The following PHF20L1 variants were observed in gnomAD, a reference collection of about 807,000 sequenced individuals.
PHF20L1 encodes PHD finger protein 20-like protein 1.
PHF20L1 carries 44 observed loss-of-function variants against 125.5 expected under a neutral mutation model. The ratio of observed to expected loss-of-function variants is 0.35; its 90% confidence interval spans 0.28 to 0.45. The LOEUF (loss-of-function observed/expected upper bound fraction) is 0.45. Ranked by LOEUF, PHF20L1 falls within the 20% of genes least tolerant of loss-of-function variation. The probability of loss-of-function intolerance (pLI) is 1.00; values close to 1 mark genes in which losing one functional copy is unlikely to be tolerated. For synonymous variants in PHF20L1, 380 were observed against 403.1 expected (o/e 0.94, Z 0.69); for missense variants, 1,012 against 1,217.2 (o/e 0.83, Z 2.51).
At chr8:132,805,629 C>T (rs1247607176) in intron 8 of PHF20L1, among the ~76,000 whole-genome samples, 1 of 151,844 alleles carries the variant, frequency 6.6e-6, no homozygotes, top group Non-Finnish European at 1.5e-5. Flanking sequence ...TTGGCTTCAA[C>T]TTGAAGAAGC....
chr8:132,777,352 A>G (rs1237485530), intron 1 of PHF20L1, among the ~76,000 whole-genome samples: 1 of 152,138 alleles, frequency 6.6e-6, no homozygotes, highest in African/African-American at 2.4e-5. Context: ...CACTCAACAA[A>G]TATTTGTTGA....
chr8:132,775,881 G>C (rs912421631), intron 1 of PHF20L1, among the ~76,000 whole-genome samples: 1 of 152,092 alleles, frequency 6.6e-6, no homozygotes, highest in African/African-American at 2.4e-5. Context: ...TGCCAGCCCT[G>C]TCAGCCTTTC....
At chr8:132,840,750 C>T (rs1837850537) in intron 18 of PHF20L1, among the ~76,000 whole-genome samples, 1 of 152,072 alleles carries the variant, frequency 6.6e-6, no homozygotes, top group African/African-American at 2.4e-5. Context: ...ATTACCTGCC[C>T]AACTAGAGTT....
intron 4 of PHF20L1, 77 bp downstream of exon 4, chr8:132,794,894 G>A: frequency 1.2e-6 from 1 of 869,456 alleles, no homozygotes. Context: ...TTTAATTAGT[G>A]TGTGTTATGT....
intron 2 of PHF20L1, among the ~76,000 whole-genome samples, chr8:132,792,965 T>TTC (rs1491164289): frequency 9.7e-5 from 2 of 20,628 alleles, no homozygotes; most frequent in Non-Finnish European, 2.5e-4. Context: ...CCCTTTTTTC[T>TTC]TTTTTTTTTT....
At chr8:132,843,938 C>T (rs943139674) in intron 19 of PHF20L1, 9 of 984,726 alleles carry the variant, frequency 9.1e-6, no homozygotes, top group Admixed American at 6.2e-5. Context: ...TGTGTAGCAC[C>T]ATGCGAGGCA....
chr8:132,785,453 A>G (rs2131358234), intron 2 of PHF20L1, among the ~76,000 whole-genome samples: 1 of 152,272 alleles, frequency 6.6e-6, no homozygotes, highest in African/African-American at 2.4e-5. Context: ...GAGGGAGAAA[A>G]TACTAGTTTT....
chr8:132,777,990 A>T, intron 2 of PHF20L1, 79 bp downstream of exon 2: 1 of 862,268 alleles, frequency 1.2e-6, no homozygotes. Context: ...AGTAAATTCC[A>T]CTGATGGTAG....
intron 19 of PHF20L1, 79 bp downstream of exon 19, chr8:132,842,954 A>G (rs1838078887): frequency 6.8e-7 from 1 of 1,475,926 alleles, no homozygotes; most frequent in African/African-American, 1.4e-5. Context: ...AGGCATACTG[A>G]ATTCCCAGAT....
intron 8 of PHF20L1, among the ~76,000 whole-genome samples, chr8:132,805,802 T>C (rs891586258): frequency 2.0e-5 from 3 of 151,960 alleles, no homozygotes; most frequent in African/African-American, 7.2e-5. Context: ...TTTTAGCAGG[T>C]GAGAATATTC....
chr8:132,804,560 G>A, intron 7 of PHF20L1, 55 bp from the exon 8 acceptor site: 1 of 1,387,104 alleles, frequency 7.2e-7, no homozygotes, highest in Non-Finnish European at 1.0e-6. Flanking sequence ...AAAAAATCAT[G>A]TGTTTTAATT....
intron 14 of PHF20L1, chr8:132,826,788 A>T (rs1332794661): frequency 6.6e-6 from 1 of 151,998 alleles, no homozygotes. Context: ...ATACTCTCTT[A>T]AACTGTATGA....
intron 8 of PHF20L1, chr8:132,807,592 C>A (rs1833882089): frequency 2.6e-6 from 1 of 377,736 alleles, no homozygotes. Flanking sequence ...TTCTTAGTCC[C>A]AGCAAGAAGA....
chr8:132,821,003 GTT>G (rs1460177658), intron 12 of PHF20L1, among the ~76,000 whole-genome samples: 1 of 151,488 alleles, frequency 6.6e-6, no homozygotes, highest in African/African-American at 2.4e-5. Flanking sequence ...GCATTTTCCT[GTT>G]TTATTGCAGC....
At chr8:132,835,317 G>A (rs1458722682) in intron 15 of PHF20L1, among the ~76,000 whole-genome samples, 1 of 152,136 alleles carries the variant, frequency 6.6e-6, no homozygotes. Context: ...AGGATGTGAG[G>A]TAGGAAGGTG....
At chr8:132,799,973 C>T (rs148079070) in intron 6 of PHF20L1, 1 of 150,590 alleles carries the variant, frequency 6.6e-6, no homozygotes, top group African/African-American at 2.4e-5. Flanking sequence ...GGTGTGATTT[C>T]TTGGTTACTA....
chr8:132,822,871 T>C (rs1428873148), intron 12 of PHF20L1, among the ~76,000 whole-genome samples: 1 of 151,618 alleles, frequency 6.6e-6, no homozygotes, highest in East Asian at 1.9e-4. Context: ...TGTTGTAGAA[T>C]GATCTTAAAA....
At chr8:132,782,662 C>T (rs995281516) in intron 2 of PHF20L1, among the ~76,000 whole-genome samples, 15 of 152,026 alleles carry the variant, frequency 9.9e-5, no homozygotes, top group African/African-American at 3.6e-4. Flanking sequence ...CTTGAAGCAG[C>T]CTGCAGCCTT....
At chr8:132,834,098 A>G (rs964552265) in intron 15 of PHF20L1, among the ~76,000 whole-genome samples, 2 of 152,118 alleles carry the variant, frequency 1.3e-5, no homozygotes, top group Non-Finnish European at 2.9e-5. Flanking sequence ...CTAGGTGGCT[A>G]TTCAAGCGTA....
Sources: gnomAD v4.1 joint callset for allele counts (sites outside exome capture counted in the v4.1 genomes callset) on GRCh38, gnomAD v4.1.1 for gene constraint, MANE v1.5 for transcripts, NCBI Gene and HGNC (gene_info 2026-07-23, HGNC 2026-07-21) for gene names.